BDH1: variants seen among roughly 807,000 people sequenced by gnomAD.
BDH1 encodes the protein D-beta-hydroxybutyrate dehydrogenase, mitochondrial.
A neutral mutation model predicts 33.1 loss-of-function variants in BDH1; 30 were observed. The observed-to-expected ratio is 0.91, with a 90% CI of 0.68 to 1.23. The LOEUF is 1.23. Ranked by LOEUF, BDH1 falls within the 50% of genes most tolerant of loss-of-function variation. BDH1 has a pLI of 0.00. For synonymous variants in BDH1, 190 were observed against 183.6 expected, an observed-to-expected ratio of 1.03 and a Z score of -0.28; for missense variants, 443 against 464.4, an observed-to-expected ratio of 0.95 and a Z score of 0.42.
intron 7 of BDH1, among the ~76,000 whole-genome samples, chr3:197,513,038 C>A (rs1712247129): frequency 6.6e-6 from 1 of 152,184 alleles, no homozygotes; most frequent in African/African-American, 2.4e-5. Flanking sequence ...GAGACCAGGA[C>A]CGCCTGGCAA....
chr3:197,536,706 G>C (rs189127116), intron 3 of BDH1, among the ~76,000 whole-genome samples: 1 of 152,246 alleles, frequency 6.6e-6, no homozygotes, highest in East Asian at 1.9e-4. Flanking sequence ...GCCGGGCATG[G>C]TGAGGGGGTG....
At chr3:197,570,101 C>A (rs917478836) in intron 1 of BDH1, among the ~76,000 whole-genome samples, 1 of 152,178 alleles carries the variant, frequency 6.6e-6, no homozygotes, top group African/African-American at 2.4e-5. Context: ...GTAAAGGTGA[C>A]TCTTGTTATG....
chr3:197,549,975 T>TTATTTTTATATATATATA (rs1553875236), intron 2 of BDH1, among the ~76,000 whole-genome samples: 2 of 146,886 alleles, frequency 1.4e-5, no homozygotes, highest in African/African-American at 5.3e-5. Context: ...CAAATAACTA[T>TTATTTTTATATATATATA]TATATATATA....
intron 3 of BDH1, among the ~76,000 whole-genome samples, chr3:197,534,931 T>C (rs1715016833): frequency 6.6e-6 from 1 of 152,216 alleles, no homozygotes; most frequent in African/African-American, 2.4e-5. Flanking sequence ...ACAACAGACT[T>C]ATATTCCTTA....
intron 3 of BDH1, chr3:197,533,964 C>A (rs1356079572): frequency 5.7e-6 from 1 of 175,824 alleles, no homozygotes; most frequent in African/African-American, 2.4e-5. Flanking sequence ...TTAAAGCCTG[C>A]TGCAATTTTG....
chr3:197,534,738 T>C (rs919065882), intron 3 of BDH1, among the ~76,000 whole-genome samples: 1 of 152,214 alleles, frequency 6.6e-6, no homozygotes, highest in Admixed American at 6.5e-5. Flanking sequence ...TTGTCGGCAT[T>C]TGGTGGTGTC....
intron 3 of BDH1, 101 bp downstream of exon 3, chr3:197,546,260 T>G: frequency 1.7e-6 from 2 of 1,150,862 alleles, no homozygotes; most frequent in Non-Finnish European, 2.6e-6. Context: ...GAGACATCTC[T>G]GAGAATCAGG....
chr3:197,563,323 A>G (rs894995818), intron 1 of BDH1, among the ~76,000 whole-genome samples: 1 of 152,238 alleles, frequency 6.6e-6, no homozygotes, highest in Non-Finnish European at 1.5e-5. Context: ...ATTTAAGACT[A>G]TTAGCTGACA....
intron 2 of BDH1, among the ~76,000 whole-genome samples, chr3:197,550,818 C>T (rs560600137): frequency 6.6e-6 from 1 of 152,328 alleles, no homozygotes; most frequent in South Asian, 2.1e-4. Context: ...CTCCAGAAGC[C>T]ATGCTGTGCC....
At chr3:197,512,396 C>T (rs776427253) in intron 7 of BDH1, 32 bp from the exon 8 acceptor site, 25 of 1,569,684 alleles carry the variant, frequency 1.6e-5, no homozygotes, top group Admixed American at 3.4e-5. Flanking sequence ...CCTGCTAAGC[C>T]GTTACTGCCC....
intron 3 of BDH1, among the ~76,000 whole-genome samples, chr3:197,542,375 G>A (rs1020366040): frequency 1.3e-5 from 2 of 152,130 alleles, no homozygotes; most frequent in Non-Finnish European, 2.9e-5. Flanking sequence ...TATTTCCCTG[G>A]AGGGTCTCCT....
rs1553865645 is a variant in BDH1 at position 197,510,599 on chromosome 3, G to GGGGTGTGTGTGTGT, written c.*1295_*1296insACACACACACACCC. 3 of 75,374 alleles carry GGGGTGTGTGTGTGT rather than the reference G, an allele frequency of 4.0e-5. No individual in the cohort carries two copies. Among genetic ancestry groups the GGGGTGTGTGTGTGT allele is most frequent in the East Asian group, 7.8e-4 (1 of 1,274 alleles). The allele number at this position is 75,374 out of a possible 1,614,324, so 4.7% of individuals were successfully genotyped here. A position where few individuals can be genotyped will look rare whatever the true frequency, so the allele number is the denominator to read the frequency against. ...CCACGCTGAAGCCCTGCAGAACAGG[G>GGGGTGTGTGTGTGT]GTGTGTGTGTGTGTGTGTGTGTGTG... On this transcript the variant is annotated 3_prime_UTR_variant, in exon 8 of 8. Transcript: ENST00000392379.
intron 3 of BDH1, among the ~76,000 whole-genome samples, chr3:197,545,057 A>G (rs1715960499): frequency 1.3e-5 from 2 of 152,188 alleles, no homozygotes; most frequent in South Asian, 4.1e-4. Flanking sequence ...TCCATTAAAC[A>G]TATTATTGGC....
intron 1 of BDH1, among the ~76,000 whole-genome samples, chr3:197,567,964 G>A (rs986657994): frequency 2.0e-5 from 3 of 152,164 alleles, no homozygotes; most frequent in Admixed American, 2.0e-4. Context: ...GTTCTCTCCT[G>A]TCTGTTTGCC....
chr3:197,520,335 T>C lies in BDH1; in HGVS notation c.409+2305A>G, dbSNP rs879449907. On this transcript the variant is annotated intron_variant, in intron 6 of 7. Transcript: ENST00000392379. This position sits in a 1 kb window ranked among gnomAD's most constrained non-coding sequence, Gnocchi z 6.0. ...GGTTAAGGAAGTTGATGGTGAGAGG[T>C]TCATCCAGCCCTCCGGAATGCCCGG... Among the ~76,000 whole-genome samples, 2 of 149,346 alleles carry C rather than the reference T, an allele frequency of 1.3e-5. No homozygotes were observed. The highest frequency in any genetic ancestry group is 3.0e-5 in the Non-Finnish European group (2 of 67,626).
intron 4 of BDH1, 117 bp downstream of exon 4, chr3:197,533,371 GC>G: frequency 9.8e-7 from 1 of 1,018,628 alleles, no homozygotes; most frequent in Non-Finnish European, 1.5e-6. Context: ...TGAGAAAGTG[GC>G]TCCCAGTGTC....
At chr3:197,541,254 G>A (rs569093197) in intron 3 of BDH1, among the ~76,000 whole-genome samples, 6 of 152,282 alleles carry the variant, frequency 3.9e-5, no homozygotes, top group South Asian at 2.1e-4. Flanking sequence ...GTAGGAAGGG[G>A]TGGCCCCAGA....
At chr3:197,534,310 T>C (rs1036182029) in intron 3 of BDH1, among the ~76,000 whole-genome samples, 33 of 152,262 alleles carry the variant, frequency 2.2e-4, no homozygotes, top group African/African-American at 7.7e-4. Flanking sequence ...AAGAATGTTA[T>C]GTAAATGGCA....
intron 3 of BDH1, chr3:197,546,086 G>A (rs949143509): frequency 1.1e-5 from 3 of 265,870 alleles, no homozygotes; most frequent in Admixed American, 9.6e-5. Flanking sequence ...GCAGTGAGCC[G>A]AGATCACGCC....
Sources: allele counts gnomAD v4.1 joint callset (sites outside exome capture counted in the v4.1 genomes callset), GRCh38; gene constraint gnomAD v4.1.1; non-coding constraint Gnocchi (gnomAD v3.1); transcripts MANE v1.5; gene names NCBI Gene and HGNC (gene_info 2026-07-23, HGNC 2026-07-21).